Variants in ANKRD27 observed in about 807,000 individuals in gnomAD.
ANKRD27 encodes the protein ankyrin repeat domain-containing protein 27.
In ANKRD27, 112 loss-of-function variants were observed where a neutral mutation model predicts 129.7. That is an observed-to-expected ratio of 0.86 (90% CI 0.74 to 1.01). The LOEUF (loss-of-function observed/expected upper bound fraction) is 1.01, where lower values mean the gene tolerates loss of function less well. Among genes scored for constraint, ANKRD27 ranks in the 50% least tolerant of loss-of-function variants. The probability of loss-of-function intolerance (pLI) is 0.00; values close to 1 mark genes in which losing one functional copy is unlikely to be tolerated. For missense variants in ANKRD27, 1,258 were observed against 1,300.5 expected (o/e 0.97, Z 0.50); for synonymous variants, 516 against 511.2 (o/e 1.01, Z -0.13).
intron 12 of ANKRD27, 185 bp downstream of exon 12, chr19:32,639,171 C>G (rs1336540877): frequency 1.3e-5 from 8 of 634,624 alleles, no homozygotes; most frequent in Non-Finnish European, 1.9e-5. Context: ...CCAATTTTTA[C>G]CACCAATTGA....
At chr19:32,601,056 T>C (rs1438642486) in intron 26 of ANKRD27, among the ~76,000 whole-genome samples, 2 of 152,134 alleles carry the variant, frequency 1.3e-5, no homozygotes, top group Admixed American at 1.3e-4. Context: ...TCCAGCACTT[T>C]GGGAGGCCAA....
intron 1 of ANKRD27, chr19:32,673,367 C>G (rs1335842814): frequency 5.1e-6 from 5 of 985,190 alleles, no homozygotes. Context: ...CCTGGATCTG[C>G]CCCCTGGATT....
intron 18 of ANKRD27, among the ~76,000 whole-genome samples, chr19:32,620,704 T>A (rs908782444): frequency 2.6e-5 from 4 of 151,892 alleles, no homozygotes; most frequent in Non-Finnish European, 4.4e-5. Flanking sequence ...CTGGCCAACA[T>A]GGTGAAACTC....
At chr19:32,610,437 A>T (rs1446339007) in intron 22 of ANKRD27, among the ~76,000 whole-genome samples, 3 of 149,900 alleles carry the variant, frequency 2.0e-5, no homozygotes, top group African/African-American at 7.4e-5. Flanking sequence ...GTGAGCTATG[A>T]TTGCAACACT....
intron 1 of ANKRD27, among the ~76,000 whole-genome samples, chr19:32,671,549 G>C (rs190512407): frequency 2.9e-4 from 44 of 152,006 alleles, no homozygotes; most frequent in Admixed American, 1.0e-3. Flanking sequence ...AATACAATTA[G>C]CTGGTTGTGG....
chr19:32,598,266 GTC>G lies in ANKRD27; in HGVS notation c.3030_3031del (p.Gln1010HisfsTer36). ...CAGCATCCGTCTGTGTCCAGGGCCA[GTC>G]TGTGTCAGTCCAGGCCTCTCTGGCC... On this transcript the variant is annotated frameshift_variant, in exon 29 of 29. Transcript: ENST00000306065. LOFTEE classifies it low-confidence loss of function (END_TRUNC). The G allele has an allele frequency of 6.2e-7, 1 of 1,614,208 alleles. No homozygotes were observed. Among genetic ancestry groups the G allele is most frequent in the East Asian group, 2.2e-5 (1 of 44,876 alleles).
At chr19:32,653,388 T>C (rs575094094) in intron 2 of ANKRD27, among the ~76,000 whole-genome samples, 1 of 152,200 alleles carries the variant, frequency 6.6e-6, no homozygotes, top group South Asian at 2.1e-4. Context: ...TTTTTGTTTT[T>C]CCTGTAGGCA....
At chr19:32,634,449 C>T (rs1030323500) in intron 12 of ANKRD27, among the ~76,000 whole-genome samples, 2 of 152,220 alleles carry the variant, frequency 1.3e-5, no homozygotes, top group East Asian at 3.8e-4. Flanking sequence ...TTCACCAGAA[C>T]CAACCATACT....
intron 23 of ANKRD27, among the ~76,000 whole-genome samples, chr19:32,606,549 G>A (rs74620605): frequency 0.024 from 875 of 36,286 alleles, 32 homozygotes; most frequent in East Asian, 0.17. Context: ...TGCTCTGTGC[G>A]GTTGAAGCGC....
chr19:32,639,593 T>A (rs1967157265), intron 11 of ANKRD27, 105 bp from the exon 12 acceptor site: 7 of 1,240,538 alleles, frequency 5.6e-6, no homozygotes, highest in Non-Finnish European at 1.1e-6. Flanking sequence ...AGTCAGTTGG[T>A]TCGCTCAGGA....
intron 15 of ANKRD27, 36 bp from the exon 16 acceptor site, chr19:32,626,863 G>A: frequency 6.8e-7 from 1 of 1,473,626 alleles, no homozygotes; most frequent in South Asian, 1.2e-5. Flanking sequence ...GGAGAAGGAA[G>A]GCGCAGAGGC....
chr19:32,619,557 G>A lies in ANKRD27; in HGVS notation c.1828-4C>T, dbSNP rs770272558. 1 of 1,614,022 alleles carries A rather than the reference G, an allele frequency of 6.2e-7. No individual in the cohort carries two copies. Among genetic ancestry groups the A allele is most frequent in the Admixed American group, 1.7e-5 (1 of 59,998 alleles). On this transcript the variant is annotated splice_polypyrimidine_tract_variant and splice_region_variant and intron_variant, in intron 18 of 28. Transcript: ENST00000306065. ...AGGCTTCCATTACAGACAGAATCTAGGGGGACAAGGGGGATGCCAACAGTA... is the reference window on the plus strand; with the variant it reads ...AGGCTTCCATTACAGACAGAATCTAAGGGGACAAGGGGGATGCCAACAGTA...
At chr19:32,663,230 C>T (rs1206140655) in intron 1 of ANKRD27, among the ~76,000 whole-genome samples, 1 of 152,080 alleles carries the variant, frequency 6.6e-6, no homozygotes, top group African/African-American at 2.4e-5. Context: ...CCTAGGTGGC[C>T]CAGCAAGCAC....
intron 26 of ANKRD27, among the ~76,000 whole-genome samples, chr19:32,601,101 C>T (rs1036781202): frequency 9.9e-5 from 15 of 151,440 alleles, no homozygotes; most frequent in Non-Finnish European, 1.8e-4. Flanking sequence ...GAGTTTGAGA[C>T]CAGCCTGGCC....
chr19:32,645,622 CTTTTT>C, intron 4 of ANKRD27, among the ~76,000 whole-genome samples: 1 of 151,262 alleles, frequency 6.6e-6, no homozygotes, highest in South Asian at 2.1e-4. Context: ...TATTTTTTTA[CTTTTT>C]ATTTTTATTT....
intron 13 of ANKRD27, 117 bp from the exon 14 acceptor site, chr19:32,628,966 G>C: frequency 1.7e-6 from 2 of 1,166,572 alleles, no homozygotes; most frequent in South Asian, 2.7e-5. Flanking sequence ...TGTCGCCCAG[G>C]CTGGAGTGCA....
chr19:32,614,250 T>C (rs1023583538), intron 22 of ANKRD27, among the ~76,000 whole-genome samples: 1 of 152,146 alleles, frequency 6.6e-6, no homozygotes, highest in African/African-American at 2.4e-5. Context: ...ACATAGACTT[T>C]ATTGTCTGTG....
At chr19:32,617,723 T>C (rs1474292896) in intron 20 of ANKRD27, 90 bp from the exon 21 acceptor site, 1 of 590,804 alleles carries the variant, frequency 1.7e-6, no homozygotes, top group East Asian at 3.0e-5. Flanking sequence ...ATCTATTGGC[T>C]TGATTTGTGG....
intron 1 of ANKRD27, among the ~76,000 whole-genome samples, chr19:32,663,850 A>C (rs1238588728): frequency 6.6e-6 from 1 of 151,780 alleles, no homozygotes; most frequent in Middle Eastern, 3.2e-3. Context: ...AGGTCAGGAG[A>C]TCGAGACCAT....
Sources: gnomAD v4.1 joint callset for allele counts (sites outside exome capture counted in the v4.1 genomes callset) on GRCh38, gnomAD v4.1.1 for gene constraint, MANE v1.5 for transcripts, NCBI Gene and HGNC (gene_info 2026-07-23, HGNC 2026-07-21) for gene names.